The following ZNF804B variants were observed in gnomAD, a reference collection of about 807,000 sequenced individuals.
ZNF804B encodes zinc finger protein 804B, also known as zinc finger 804B.
ZNF804B carries 80 observed loss-of-function variants against 101.4 expected under a neutral mutation model. The observed-to-expected ratio is 0.79, with a 90% CI of 0.66 to 0.95. The LOEUF is 0.95. Among genes scored for constraint, ZNF804B ranks in the 40% least tolerant of loss-of-function variants. The pLI, the probability that ZNF804B is intolerant of heterozygous loss-of-function variation, is 0.00. For synonymous variants in ZNF804B, 622 were observed against 558.8 expected (o/e 1.11, Z -1.59); for missense variants, 1,673 against 1,561.9 (o/e 1.07, Z -1.20).
intron 1 of ZNF804B, among the ~76,000 whole-genome samples, chr7:88,880,784 C>CATTTTCAATATTCCAT (rs1417681360): frequency 1.3e-5 from 2 of 151,984 alleles, no homozygotes; most frequent in Non-Finnish European, 2.9e-5. Context: ...GATGACTTTC[C>CATTTTCAATATTCCAT]ATTTTCAATA....
chr7:89,004,194 A>T (rs1788336404), intron 1 of ZNF804B, among the ~76,000 whole-genome samples: 1 of 151,932 alleles, frequency 6.6e-6, no homozygotes, highest in Non-Finnish European at 1.5e-5. Context: ...ATGAAAATTA[A>T]ACAATCTATA....
intron 2 of ZNF804B, among the ~76,000 whole-genome samples, chr7:89,280,896 C>G (rs1790084189): frequency 6.6e-6 from 1 of 152,138 alleles, no homozygotes; most frequent in Non-Finnish European, 1.5e-5. Context: ...TCCTCCCTAA[C>G]TCATTTTATA....
intron 2 of ZNF804B, among the ~76,000 whole-genome samples, chr7:89,290,542 C>T (rs973269386): frequency 2.6e-5 from 4 of 152,018 alleles, no homozygotes; most frequent in Admixed American, 6.6e-5. Context: ...ACTAAAGAGC[C>T]CTTTGGTCTT....
At chr7:88,786,033 G>C (rs1021288293) in intron 1 of ZNF804B, among the ~76,000 whole-genome samples, 2 of 152,080 alleles carry the variant, frequency 1.3e-5, no homozygotes, top group African/African-American at 4.8e-5. Flanking sequence ...CTCTAAGGTA[G>C]AAATTATGCT....
intron 1 of ZNF804B, among the ~76,000 whole-genome samples, chr7:88,907,873 A>C (rs1245573778): frequency 1.3e-5 from 2 of 152,008 alleles, no homozygotes; most frequent in Non-Finnish European, 2.9e-5. Flanking sequence ...CAGAAAAATC[A>C]GGTTGTTTAG....
chr7:88,968,177 T>C (rs1244711107), intron 1 of ZNF804B, among the ~76,000 whole-genome samples: 5 of 151,636 alleles, frequency 3.3e-5, no homozygotes, highest in Non-Finnish European at 4.4e-5. Context: ...AAATTTGTCA[T>C]GTTAATGATA....
intron 1 of ZNF804B, among the ~76,000 whole-genome samples, chr7:88,848,615 C>G (rs1297984946): frequency 6.9e-6 from 1 of 145,802 alleles, no homozygotes; most frequent in East Asian, 2.0e-4. Flanking sequence ...TATGAAAATG[C>G]ATTTTCTTTT....
intron 1 of ZNF804B, among the ~76,000 whole-genome samples, chr7:88,771,164 T>C (rs4728771): frequency 0.058 from 8,872 of 152,194 alleles, 421 homozygotes; most frequent in East Asian, 0.18. Context: ...TTTAAGGGGA[T>C]ATTTTAAGGC....
chr7:88,807,153 G>A (rs958671860), intron 1 of ZNF804B, among the ~76,000 whole-genome samples: 1 of 151,972 alleles, frequency 6.6e-6, no homozygotes, highest in African/African-American at 2.4e-5. Context: ...ATATTTTAAG[G>A]GAAAACTAAA....
At chr7:89,049,278 G>C (rs890310325) in intron 1 of ZNF804B, among the ~76,000 whole-genome samples, 4 of 152,110 alleles carry the variant, frequency 2.6e-5, no homozygotes, top group African/African-American at 9.7e-5. Flanking sequence ...TCAGCCCAAT[G>C]CTCCACCAAA....
chr7:88,930,596 T>C (rs1240858487), intron 1 of ZNF804B, among the ~76,000 whole-genome samples: 2 of 151,962 alleles, frequency 1.3e-5, no homozygotes, highest in Non-Finnish European at 2.9e-5. Flanking sequence ...TTCATTACCA[T>C]TAAAGAGACT....
At chr7:89,057,320 C>G (rs965652189) in intron 1 of ZNF804B, among the ~76,000 whole-genome samples, 1 of 151,948 alleles carries the variant, frequency 6.6e-6, no homozygotes, top group Non-Finnish European at 1.5e-5. Context: ...TGATGCTTAA[C>G]TATAACTATA....
chr7:89,130,630 A>G (rs1012451576), intron 1 of ZNF804B, among the ~76,000 whole-genome samples: 20 of 152,016 alleles, frequency 1.3e-4, no homozygotes. Context: ...ACACATCTCC[A>G]AATACAGCAT....
chr7:88,772,364 ACT>A (rs976076058), intron 1 of ZNF804B, among the ~76,000 whole-genome samples: 11 of 152,182 alleles, frequency 7.2e-5, no homozygotes, highest in African/African-American at 2.4e-4. Flanking sequence ...TATATATCAC[ACT>A]CTGTTTAAAT....
Position 89,336,769 on chromosome 7 carries a change from T to C in ZNF804B, c.3787T>C (p.Leu1263=). 1 of 1,614,120 alleles carries C rather than the reference T, an allele frequency of 6.2e-7. No homozygotes were observed. Among genetic ancestry groups the C allele is most frequent in the South Asian group, 1.1e-5 (1 of 91,082 alleles). ...PTIIPAHPTF[L]AGHPLHLVAA... is the part of the protein sequence containing the mutation. ...CATTATCCCTGCACACCCCACTTTC[T>C]TAGCAGGTCATCCCCTGCATTTAGT... The change falls in exon 4 of 4, where the codon TTA becomes CTA. Residue 1263 remains leucine, a synonymous_variant. Coordinates refer to ENST00000333190, the MANE Select transcript of ZNF804B (RefSeq NM_181646.5).
At chr7:88,805,817 A>G (rs1790676919) in intron 1 of ZNF804B, among the ~76,000 whole-genome samples, 1 of 152,128 alleles carries the variant, frequency 6.6e-6, no homozygotes, top group African/African-American at 2.4e-5. Context: ...CTTTGTCTCA[A>G]TGACAAGTAC....
chr7:88,857,440 G>A lies in ZNF804B; in HGVS notation c.108+97356G>A, dbSNP rs878923237. The stretch of plus-strand genomic sequence containing the variant: ...AAATGATAAAGGGGATATCACCACC[G>A]ATCCCACAGAAATACAAACTACCAT... On this transcript the variant is annotated intron_variant, in intron 1 of 3. Transcript: ENST00000333190. 3.9e-5 allele frequency among the ~76,000 whole-genome samples: 6 copies of A among 152,116 alleles called. No individual in the cohort carries two copies. In the East Asian group the frequency reaches 7.7e-4, roughly 20 times the overall value.
chr7:88,854,425 T>TTC (rs200513516), intron 1 of ZNF804B, among the ~76,000 whole-genome samples: 2 of 115,198 alleles, frequency 1.7e-5, no homozygotes, highest in Non-Finnish European at 3.6e-5. Flanking sequence ...CTTTCTTTCT[T>TTC]TCTTTCTTTC....
At chr7:89,178,671 GTCTT>G (rs1156594375) in intron 1 of ZNF804B, among the ~76,000 whole-genome samples, 3 of 152,102 alleles carry the variant, frequency 2.0e-5, no homozygotes, top group Non-Finnish European at 4.4e-5. Flanking sequence ...TCATCTTTAA[GTCTT>G]TCTACTCAAG....
Sources: gnomAD v4.1 joint callset for allele counts (sites outside exome capture counted in the v4.1 genomes callset) on GRCh38, gnomAD v4.1.1 for gene constraint, MANE v1.5 for transcripts, NCBI Gene and HGNC (gene_info 2026-07-23, HGNC 2026-07-21) for gene names.